The following SH3GLB1 variants were observed in gnomAD, a reference collection of about 807,000 sequenced individuals.
SH3GLB1 encodes the protein SH3 domain containing GRB2 like, endophilin B1.
Under a neutral mutation model 42.0 loss-of-function variants are expected in SH3GLB1, and 17 were observed. The observed-to-expected ratio is 0.40, with a 90% CI of 0.28 to 0.61. The LOEUF is 0.61. Ranked by LOEUF, SH3GLB1 falls within the 20% of genes least tolerant of loss-of-function variation. The pLI, the probability that SH3GLB1 is intolerant of heterozygous loss-of-function variation, is 0.36. For synonymous variants in SH3GLB1, 132 were observed against 146.6 expected (o/e 0.90, Z 0.72); for missense variants, 355 against 426.3 (o/e 0.83, Z 1.47).
intron 5 of SH3GLB1, chr1:86,730,158 A>G (rs1270367964): frequency 6.4e-7 from 1 of 1,559,098 alleles, no homozygotes; most frequent in Non-Finnish European, 8.7e-7. Flanking sequence ...AATTTAGTTG[A>G]CGTTGATTCA....
At chr1:86,709,851 CA>C (rs1217470391) in intron 1 of SH3GLB1, among the ~76,000 whole-genome samples, 28 of 152,260 alleles carry the variant, frequency 1.8e-4, no homozygotes, top group African/African-American at 6.7e-4. Flanking sequence ...TTTATTTCAG[CA>C]AGTGTCATGG....
At chr1:86,731,082 CTG>C (rs1305491555) in intron 5 of SH3GLB1, among the ~76,000 whole-genome samples, 1 of 152,134 alleles carries the variant, frequency 6.6e-6, no homozygotes, top group African/African-American at 2.4e-5. Context: ...GCAGTTCTGT[CTG>C]TGTTACCATT....
intron 5 of SH3GLB1, chr1:86,728,394 G>C: frequency 6.7e-7 from 1 of 1,503,350 alleles, no homozygotes; most frequent in East Asian, 2.4e-5. Context: ...CTCTTACTAT[G>C]CACTTAAGCA....
chr1:86,715,885 G>A lies in SH3GLB1; in HGVS notation c.214+20G>A. On this transcript the variant is annotated intron_variant, in intron 2 of 8. Transcript: ENST00000370558. ...ATCCAAGTAAGAAACTCTACCTCTT[G>A]TGTACCTTAAGTACTATTAGTGGGT... 6.3e-7 allele frequency: 1 copy of A among 1,599,896 alleles called. No individual in the cohort carries two copies. Among genetic ancestry groups the A allele is most frequent in the Non-Finnish European group, 8.5e-7 (1 of 1,176,698 alleles).
chr1:86,714,422 C>T (rs763130782), intron 1 of SH3GLB1, among the ~76,000 whole-genome samples: 2 of 152,140 alleles, frequency 1.3e-5, no homozygotes, highest in Non-Finnish European at 2.9e-5. Context: ...TTTGGTTCTA[C>T]CCACTAGGTC....
At chr1:86,706,063 C>G (rs1275372138) in intron 1 of SH3GLB1, among the ~76,000 whole-genome samples, 3 of 152,156 alleles carry the variant, frequency 2.0e-5, no homozygotes. Context: ...TTATGAAAAA[C>G]CTGTCAAGCA....
intron 2 of SH3GLB1, among the ~76,000 whole-genome samples, chr1:86,717,789 CTA>C (rs1047939821): frequency 2.4e-4 from 37 of 152,232 alleles, no homozygotes; most frequent in African/African-American, 8.7e-4. Flanking sequence ...CTTGTAATTC[CTA>C]TGTTGTTTTC....
rs1431379040 is a variant in SH3GLB1 at position 86,747,349 on chromosome 1, C to G, written c.*4114C>G. On this transcript the variant is annotated 3_prime_UTR_variant, in exon 9 of 9. Coordinates refer to ENST00000370558, the MANE Select transcript of SH3GLB1 (RefSeq NM_016009.5). ...ACTGAATCAAACTCTGAGAGTGGAG[C>G]CCAGCAATCTGTTGTAAAAGCTGTT... 1 of 152,506 alleles carries G rather than the reference C, an allele frequency of 6.6e-6. No individual in the cohort carries two copies. The allele number at this position is 152,506 out of a possible 1,614,324, so 9.4% of individuals were successfully genotyped here.
chr1:86,732,447 C>G (rs761647739), intron 5 of SH3GLB1, among the ~76,000 whole-genome samples: 7 of 152,146 alleles, frequency 4.6e-5, no homozygotes, highest in Non-Finnish European at 8.8e-5. Context: ...ATTGATTATG[C>G]TAAGCCTAAT....
chr1:86,723,821 C>T (rs1269570560), intron 4 of SH3GLB1, among the ~76,000 whole-genome samples: 1 of 152,196 alleles, frequency 6.6e-6, no homozygotes, highest in African/African-American at 2.4e-5. Flanking sequence ...ATACTTCCTT[C>T]TTTCTAGGCA....
chr1:86,705,092 G>A, intron 1 of SH3GLB1, 121 bp downstream of exon 1: 1 of 623,314 alleles, frequency 1.6e-6, no homozygotes, highest in East Asian at 3.6e-5. Flanking sequence ...TGCAGCCAGA[G>A]GCCTGGGAGA....
At chr1:86,725,935 C>T (rs1473117096) in intron 5 of SH3GLB1, among the ~76,000 whole-genome samples, 5 of 152,086 alleles carry the variant, frequency 3.3e-5, no homozygotes, top group Non-Finnish European at 7.4e-5. Flanking sequence ...CACAGTTTAT[C>T]ATTACATCAT....
intron 1 of SH3GLB1, among the ~76,000 whole-genome samples, chr1:86,712,595 A>ATAG (rs1166024341): frequency 6.6e-6 from 1 of 152,200 alleles, no homozygotes; most frequent in Non-Finnish European, 1.5e-5. Flanking sequence ...ACATACACTA[A>ATAG]GCCTTGACAC....
At chr1:86,743,042 TAAAC>T (rs1656133878) in intron 8 of SH3GLB1, 82 bp from the exon 9 acceptor site, 1 of 1,056,278 alleles carries the variant, frequency 9.5e-7, no homozygotes, top group African/African-American at 1.6e-5. Flanking sequence ...GTGAATAATT[TAAAC>T]AAATTAAATA....
intron 2 of SH3GLB1, among the ~76,000 whole-genome samples, 187 bp from the exon 3 acceptor site, chr1:86,719,320 T>G (rs547328499): frequency 1.0e-3 from 154 of 152,220 alleles, no homozygotes; most frequent in African/African-American, 3.6e-3. Context: ...TTTATCAAAT[T>G]TCTAAAATAT....
chr1:86,740,649 G>T (rs1656015251), intron 7 of SH3GLB1, among the ~76,000 whole-genome samples: 1 of 152,146 alleles, frequency 6.6e-6, no homozygotes, highest in South Asian at 2.1e-4. Context: ...TTATTGGAAG[G>T]GTTGTGGTTA....
At position 86,730,017 on chromosome 1, in the gene SH3GLB1, ATAC is replaced by A. The variant is rs1655419569; in HGVS notation, c.571-4582_571-4580del. The A allele has an allele frequency of 4.3e-6, 6 of 1,389,458 alleles. No individual in the cohort carries two copies. In the East Asian group the frequency reaches 1.5e-4, roughly 35 times the overall value. The allele number at this position is 1,389,458 out of a possible 1,614,324, so 86.1% of individuals were successfully genotyped here. A position where few individuals can be genotyped will look rare whatever the true frequency, so the allele number is the denominator to read the frequency against. ...TTTAAACAAATATTTATATTTTTCTATACTAAGTTGTAGAAAATAAATTCCAAC... is the reference window on the plus strand; with the variant it reads ...TTTAAACAAATATTTATATTTTTCTATAAGTTGTAGAAAATAAATTCCAAC... On this transcript the variant is annotated intron_variant, in intron 5 of 8. Coordinates refer to ENST00000370558, the MANE Select transcript of SH3GLB1 (RefSeq NM_016009.5).
chr1:86,727,320 A>AGC (rs1322157997), intron 5 of SH3GLB1, among the ~76,000 whole-genome samples: 2 of 152,030 alleles, frequency 1.3e-5, no homozygotes, highest in African/African-American at 4.8e-5. Context: ...GCAGAAAGAA[A>AGC]GCCCACTTTA....
chr1:86,747,540 G>A lies in SH3GLB1; in HGVS notation c.*4305G>A, dbSNP rs1474111594. On this transcript the variant is annotated 3_prime_UTR_variant, in exon 9 of 9. Coordinates refer to ENST00000370558, the MANE Select transcript of SH3GLB1 (RefSeq NM_016009.5). The stretch of plus-strand genomic sequence containing the variant: ...CTGTCCATGTAGGGGAAACTTCTGG[G>A]CTGTATTACAAGTGGGTAGGAAGGT... 6.6e-6 allele frequency: 1 copy of A among 152,198 alleles called. No individual in the cohort carries two copies. The highest frequency in any genetic ancestry group is 2.4e-5 in the African/African-American group (1 of 41,434). The allele number at this position is 152,198 out of a possible 1,614,324, so 9.4% of individuals were successfully genotyped here.
Sources: allele counts gnomAD v4.1 joint callset (sites outside exome capture counted in the v4.1 genomes callset), GRCh38; gene constraint gnomAD v4.1.1; transcripts MANE v1.5; gene names NCBI Gene and HGNC (gene_info 2026-07-23, HGNC 2026-07-21).